The following ABLIM1 variants were observed in gnomAD, a reference collection of about 807,000 sequenced individuals.
ABLIM1 encodes the protein actin-binding LIM protein 1.
A neutral mutation model predicts 107.0 loss-of-function variants in ABLIM1; 40 were observed. The ratio of observed to expected loss-of-function variants is 0.37; its 90% CI spans 0.29 to 0.49. The LOEUF (loss-of-function observed/expected upper bound fraction) is 0.49. Ranked by LOEUF, ABLIM1 falls within the 20% of genes least tolerant of loss-of-function variation. The probability of loss-of-function intolerance (pLI) is 0.97; values close to 1 mark genes in which losing one functional copy is unlikely to be tolerated. For missense variants in ABLIM1, 857 were observed against 1,008.5 expected, an observed-to-expected ratio of 0.85 and a Z score of 2.04; for synonymous variants, 357 against 357.3, an observed-to-expected ratio of 1.00 and a Z score of 0.01.
intron 12 of ABLIM1, among the ~76,000 whole-genome samples, chr10:114,461,237 T>G (rs1236745770): frequency 2.6e-5 from 4 of 151,950 alleles, no homozygotes; most frequent in Admixed American, 6.6e-5. Flanking sequence ...TAATTTTTTT[T>G]TGTATTTTTG....
At position 114,580,219 on chromosome 10, in the gene ABLIM1, A is replaced by AT. The variant is rs1305055704; in HGVS notation, c.380-4621dup. ...TATATTATATATTATATATATATAT[A>AT]TTTTTTAGACAAGGTCTTGCTCTGT... On this transcript the variant is annotated intron_variant, in intron 2 of 22. Transcript: ENST00000533213. 1.6e-4 allele frequency among the ~76,000 whole-genome samples: 24 copies of AT among 147,904 alleles called. 1 individual carries two copies. In the South Asian group the frequency reaches 4.9e-3, roughly 30 times the overall value.
intron 4 of ABLIM1, among the ~76,000 whole-genome samples, chr10:114,562,710 A>C (rs1217835550): frequency 6.6e-6 from 1 of 152,152 alleles, no homozygotes; most frequent in Admixed American, 6.5e-5. Context: ...CTTCATTCAA[A>C]CAGCAATCAG....
intron 1 of ABLIM1, among the ~76,000 whole-genome samples, chr10:114,691,706 G>T (rs900216410): frequency 6.6e-6 from 1 of 152,050 alleles, no homozygotes; most frequent in Non-Finnish European, 1.5e-5. Flanking sequence ...TGAAGCATTG[G>T]GTTAAATCAT....
In ABLIM1 at chr10:114,550,324, A is replaced by T. The variant is rs2067898997; in HGVS notation, c.674-2548T>A. ...AAATGGAAGGCCACGATATTAGTTT[A>T]AAAATATAATTTTTAAAGTTTAGGA... On this transcript the variant is annotated intron_variant, in intron 4 of 22. Coordinates refer to ENST00000533213, the MANE Select transcript of ABLIM1 (RefSeq NM_002313.7). Among the ~76,000 whole-genome samples the T allele has an allele frequency of 2.0e-5, 3 of 152,190 alleles. No individual in the cohort carries two copies. In the South Asian group the frequency reaches 6.2e-4, roughly 31 times the overall value.
intron 1 of ABLIM1, among the ~76,000 whole-genome samples, chr10:114,697,194 C>A (rs529581339): frequency 1.3e-5 from 2 of 152,338 alleles, no homozygotes; most frequent in East Asian, 3.9e-4. Context: ...TCACTGTCCA[C>A]CAACCCAACC....
chr10:114,580,983 C>G (rs1318879882), intron 2 of ABLIM1, among the ~76,000 whole-genome samples: 1 of 152,158 alleles, frequency 6.6e-6, no homozygotes, highest in East Asian at 1.9e-4. Flanking sequence ...AAACATTCCC[C>G]ACTCAAGGTG....
chr10:114,795,485 T>A, the ABLIM1 span, among the ~76,000 whole-genome samples: 1 of 152,152 alleles, frequency 6.6e-6, no homozygotes, highest in African/African-American at 2.4e-5. Context: ...AGTGGGCGGA[T>A]CACCTGAGGT....
At chr10:114,493,686 G>T (rs542683187) in intron 6 of ABLIM1, among the ~76,000 whole-genome samples, 16 of 152,062 alleles carry the variant, frequency 1.1e-4, no homozygotes, top group Admixed American at 7.8e-4. Context: ...GATCCCATTT[G>T]TAATAACAAC....
intron 4 of ABLIM1, among the ~76,000 whole-genome samples, chr10:114,570,596 GTTTTTTTT>G (rs57963013): frequency 8.8e-5 from 6 of 68,014 alleles, no homozygotes; most frequent in South Asian, 7.3e-4. Context: ...ATTTTTCTGG[GTTTTTTTT>G]TTTTTTTTTT....
intron 8 of ABLIM1, among the ~76,000 whole-genome samples, chr10:114,474,365 AG>A (rs1371946743): frequency 6.7e-6 from 1 of 149,818 alleles, no homozygotes; most frequent in African/African-American, 2.5e-5. Context: ...TCCACCTGGC[AG>A]GCAATGGATA....
At chr10:114,510,973 TGA>T (rs1358825161) in intron 6 of ABLIM1, among the ~76,000 whole-genome samples, 1 of 152,020 alleles carries the variant, frequency 6.6e-6, no homozygotes, top group Non-Finnish European at 1.5e-5. Context: ...CAGTCTTAGC[TGA>T]GTGTGTTCCC....
At chr10:114,437,107 T>G (rs562165146) in intron 22 of ABLIM1, among the ~76,000 whole-genome samples, 1 of 152,220 alleles carries the variant, frequency 6.6e-6, no homozygotes, top group African/African-American at 2.4e-5. Flanking sequence ...TAAATCAGTA[T>G]AAATGTCTCT....
At chr10:114,561,724 A>C (rs1184352943) in intron 4 of ABLIM1, among the ~76,000 whole-genome samples, 1 of 152,256 alleles carries the variant, frequency 6.6e-6, no homozygotes, top group Non-Finnish European at 1.5e-5. Context: ...TTCCAGTTCT[A>C]CTGATAAGTT....
intron 2 of ABLIM1, among the ~76,000 whole-genome samples, chr10:114,600,262 G>A (rs1232250952): frequency 6.6e-6 from 1 of 152,154 alleles, no homozygotes; most frequent in Middle Eastern, 3.2e-3. Flanking sequence ...CTTGGGTTGG[G>A]TGAAAACTGG....
the ABLIM1 span, among the ~76,000 whole-genome samples, chr10:114,786,919 C>A: frequency 1.3e-5 from 2 of 152,084 alleles, no homozygotes; most frequent in African/African-American, 4.8e-5. Context: ...GCGGCCACCC[C>A]GTCTGGGAAG....
intron 9 of ABLIM1, 34 bp from the exon 10 acceptor site, chr10:114,473,166 G>A (rs1428772200): frequency 6.3e-7 from 1 of 1,583,370 alleles, no homozygotes; most frequent in Non-Finnish European, 8.6e-7. Context: ...CAATTACCTT[G>A]TAGTCTGACT....
At chr10:114,710,904 G>A (rs1011825775) in intron 1 of ABLIM1, among the ~76,000 whole-genome samples, 3 of 152,210 alleles carry the variant, frequency 2.0e-5, no homozygotes, top group Admixed American at 6.5e-5. Context: ...AGTAGAAAAG[G>A]CAAGGCTTTG....
chr10:114,568,196 C>CAAAAAAAAAAAA (rs34861242), intron 4 of ABLIM1, among the ~76,000 whole-genome samples: 24 of 52,380 alleles, frequency 4.6e-4, no homozygotes, highest in African/African-American at 1.7e-3. Flanking sequence ...GACTCCGTCT[C>CAAAAAAAAAAAA]AAAAAAAAAA....
At chr10:114,684,952 C>T (rs1566236545) in exon 1 of ABLIM1, 2 of 158,270 alleles carry the variant, frequency 1.3e-5, no homozygotes, top group African/African-American at 4.8e-5. Flanking sequence ...TTACTAACAG[C>T]CTGATTATTC....
Sources: allele counts gnomAD v4.1 joint callset (sites outside exome capture counted in the v4.1 genomes callset), GRCh38; gene constraint gnomAD v4.1.1; transcripts MANE v1.5; gene names NCBI Gene and HGNC (gene_info 2026-07-23, HGNC 2026-07-21).